The following CC2D2A variants were observed in gnomAD, a reference collection of about 807,000 sequenced individuals.
The protein encoded by CC2D2A is coiled-coil and C2 domain-containing protein 2A.
CC2D2A carries 155 observed loss-of-function variants against 212.9 expected under a neutral mutation model. That is an observed-to-expected ratio of 0.73 (90% CI 0.64 to 0.83). CC2D2A has a LOEUF of 0.83. Among genes scored for constraint, CC2D2A ranks in the 40% least tolerant of loss-of-function variants. The pLI is 0.00. For synonymous variants in CC2D2A, 667 were observed against 686.5 expected, an observed-to-expected ratio of 0.97 and a Z score of 0.44; for missense variants, 1,856 against 1,956.2, an observed-to-expected ratio of 0.95 and a Z score of 0.97.
intron 2 of CC2D2A, among the ~76,000 whole-genome samples, chr4:15,477,758 G>A (rs1714322668): frequency 1.3e-5 from 2 of 152,246 alleles, no homozygotes; most frequent in South Asian, 4.1e-4. Context: ...CCAAACCAAG[G>A]CTATTCTCTC....
At chr4:15,590,223 TAA>T (rs1379452987) in intron 33 of CC2D2A, among the ~76,000 whole-genome samples, 1 of 152,158 alleles carries the variant, frequency 6.6e-6, no homozygotes, top group Non-Finnish European at 1.5e-5. Context: ...GTTAAAAATA[TAA>T]GTTATAGAGC....
chr4:15,581,305 CT>C (rs1041584054), intron 30 of CC2D2A, among the ~76,000 whole-genome samples: 3 of 152,188 alleles, frequency 2.0e-5, no homozygotes, highest in African/African-American at 7.2e-5. Context: ...CAGAAAATTT[CT>C]CCCAGTAGAG....
rs1718406239 is a variant in CC2D2A at position 15,541,017 on chromosome 4, A to G, written c.2181+3A>G. 1 of 1,535,396 alleles carries G rather than the reference A, an allele frequency of 6.5e-7. No individual in the cohort carries two copies. Among genetic ancestry groups the G allele is most frequent in the Admixed American group, 2.0e-5 (1 of 49,704 alleles). On this transcript the variant is annotated splice_donor_region_variant and intron_variant, in intron 17 of 36. Transcript: ENST00000424120. The stretch of plus-strand genomic sequence containing the variant: ...GGCCGGAGAGTTTAACACTTCAGGT[A>G]CACATTTTAATTATAGTTACTGGCC...
At chr4:15,550,743 C>G in intron 17 of CC2D2A, 81 bp from the exon 18 acceptor site, 2 of 1,064,296 alleles carry the variant, frequency 1.9e-6, no homozygotes, top group Non-Finnish European at 2.6e-6. Context: ...AGCACAAATA[C>G]TAACAACATG....
chr4:15,565,023 C>A (rs1352663944), intron 24 of CC2D2A, among the ~76,000 whole-genome samples: 1 of 152,100 alleles, frequency 6.6e-6, no homozygotes, highest in Admixed American at 6.6e-5. Context: ...TTAACTAATT[C>A]GTTAACCTAT....
chr4:15,568,145 C>T (rs1346379174), intron 26 of CC2D2A, among the ~76,000 whole-genome samples: 2 of 152,172 alleles, frequency 1.3e-5, no homozygotes, highest in Non-Finnish European at 2.9e-5. Context: ...TCCTTAGTTC[C>T]CATAAATCAT....
At chr4:15,492,813 G>A in intron 4 of CC2D2A, 1 of 652,592 alleles carries the variant, frequency 1.5e-6, no homozygotes, top group Non-Finnish European at 2.9e-6. Context: ...GCTTGATAAA[G>A]TGGTCACTGA....
At chr4:15,592,021 CT>C (rs542982455) in intron 33 of CC2D2A, among the ~76,000 whole-genome samples, 51 of 152,302 alleles carry the variant, frequency 3.3e-4, no homozygotes, top group Admixed American at 8.5e-4. Context: ...CTCCTCCTGG[CT>C]TTGTTGTCCT....
chr4:15,478,520 A>G (rs1187572391), intron 2 of CC2D2A, among the ~76,000 whole-genome samples: 5 of 152,242 alleles, frequency 3.3e-5, no homozygotes, highest in Admixed American at 3.3e-4. Context: ...TGATGGTCCA[A>G]TATGGATACG....
intron 28 of CC2D2A, among the ~76,000 whole-genome samples, chr4:15,571,110 A>G (rs1239550601): frequency 6.6e-6 from 1 of 152,210 alleles, no homozygotes; most frequent in African/African-American, 2.4e-5. Flanking sequence ...AAATAAAGGT[A>G]AAGAATAAGG....
chr4:15,534,000 C>G (rs552123882), intron 14 of CC2D2A, among the ~76,000 whole-genome samples: 1 of 152,294 alleles, frequency 6.6e-6, no homozygotes, highest in South Asian at 2.1e-4. Context: ...CATATCATGC[C>G]TATCACTTGG....
chr4:15,546,415 T>C (rs1404128468), intron 17 of CC2D2A, among the ~76,000 whole-genome samples: 4 of 152,180 alleles, frequency 2.6e-5, no homozygotes, highest in African/African-American at 9.7e-5. Flanking sequence ...CATTTTTCCT[T>C]ATTAGTCAAT....
chr4:15,510,306 T>C, intron 7 of CC2D2A, 66 bp downstream of exon 7: 1 of 1,391,820 alleles, frequency 7.2e-7, no homozygotes, highest in Non-Finnish European at 1.0e-6. Flanking sequence ...CAATGACACA[T>C]GACTACAGGC....
intron 5 of CC2D2A, 140 bp downstream of exon 5, chr4:15,502,657 A>AT: frequency 9.9e-7 from 1 of 1,010,218 alleles, no homozygotes. Context: ...TTAATGTCTT[A>AT]TTTTGCATTG....
chr4:15,566,475 C>T (rs553087807), intron 24 of CC2D2A, among the ~76,000 whole-genome samples: 32 of 152,160 alleles, frequency 2.1e-4, no homozygotes, highest in African/African-American at 7.7e-4. Flanking sequence ...CCCATTCAGG[C>T]GCCCCCTAGA....
At chr4:15,513,622 C>T (rs761558870) in intron 8 of CC2D2A, among the ~76,000 whole-genome samples, 4 of 152,182 alleles carry the variant, frequency 2.6e-5, no homozygotes, top group Non-Finnish European at 5.9e-5. Context: ...TTCATTTAGC[C>T]TTTTTGAACA....
chr4:15,524,824 C>A (rs552094914), intron 11 of CC2D2A, among the ~76,000 whole-genome samples: 2 of 152,238 alleles, frequency 1.3e-5, no homozygotes, highest in East Asian at 3.9e-4. Context: ...ATATTCATCA[C>A]CTCTTAGCAT....
Position 15,502,420 on chromosome 4 carries a change from G to GT in CC2D2A, c.248-3dup. 2.0e-6 allele frequency: 3 copies of GT among 1,537,472 alleles called. No homozygotes were observed. Among genetic ancestry groups the GT allele is most frequent in the Non-Finnish European group, 2.6e-6 (3 of 1,145,422 alleles). On this transcript the variant is annotated splice_polypyrimidine_tract_variant and intron_variant, in intron 4 of 36. Transcript: ENST00000424120. ...TTTATTTTGTTTTGTTTTTGTTTTTGTTTTTTAGGCTTACCTCCAATTCCT... is the reference window on the plus strand; with the variant it reads ...TTTATTTTGTTTTGTTTTTGTTTTTGTTTTTTTAGGCTTACCTCCAATTCCT...
Position 15,559,238 on chromosome 4 carries a change from T to C in CC2D2A, c.2903T>C (p.Val968Ala). The change falls in exon 22 of 37, where the codon GTA becomes GCA. Residue 968 changes from valine to alanine, a missense_variant. Physicochemically the swap from Val to Ala is moderately conservative, Grantham distance 64. This residue lies in a region of CC2D2A where 1,512 missense variants were observed against 1,579.3 expected (regional missense o/e 0.96). Transcript: ENST00000424120. ...KEHIDTHRAI[V>A]AKYLQQVRES... ...CACATAGACACCCATAGGGCCATAG[T>C]AGCCAAGTACCTCCAGCAGGTAAGA... 8 of 1,551,610 alleles carry C rather than the reference T, an allele frequency of 5.2e-6. No individual in the cohort carries two copies. Among genetic ancestry groups the C allele is most frequent in the Non-Finnish European group, 6.1e-6 (7 of 1,146,322 alleles).
Sources: allele counts gnomAD v4.1 joint callset (sites outside exome capture counted in the v4.1 genomes callset), GRCh38; gene constraint gnomAD v4.1.1; regional missense constraint gnomAD v4.1.1; transcripts MANE v1.5; gene names NCBI Gene and HGNC (gene_info 2026-07-23, HGNC 2026-07-21).